The following TIMP3 variants were observed in gnomAD, a reference collection of about 807,000 sequenced individuals.
TIMP3 encodes the protein metalloproteinase inhibitor 3.
TIMP3 carries 11 observed loss-of-function variants against 30.0 expected under a neutral mutation model. The ratio of observed to expected loss-of-function variants is 0.37; its 90% CI spans 0.23 to 0.61. TIMP3 has a LOEUF of 0.61. Among genes scored for constraint, TIMP3 ranks in the 20% least tolerant of loss-of-function variants. The pLI is 0.70. For missense variants in TIMP3, 181 were observed against 276.8 expected (o/e 0.65, Z 2.45); for synonymous variants, 112 against 111.3 (o/e 1.01, Z -0.04).
At chr22:32,810,789 C>T (rs891195238) in intron 1 of TIMP3, among the ~76,000 whole-genome samples, 3 of 152,078 alleles carry the variant, frequency 2.0e-5, no homozygotes, top group African/African-American at 4.8e-5. Context: ...GACTTGGTTT[C>T]GTGACTTGAG....
intron 1 of TIMP3, among the ~76,000 whole-genome samples, chr22:32,813,757 G>C (rs1343315162): frequency 6.6e-6 from 1 of 151,888 alleles, no homozygotes. Context: ...TCAAACCTTG[G>C]CCTCGTTCAT....
chr22:32,854,501 G>T (rs2048309754), intron 2 of TIMP3, among the ~76,000 whole-genome samples: 1 of 152,178 alleles, frequency 6.6e-6, no homozygotes, highest in Non-Finnish European at 1.5e-5. Flanking sequence ...CCTAGAGCGA[G>T]TGCTTAGTTG....
intron 1 of TIMP3, among the ~76,000 whole-genome samples, chr22:32,839,908 G>C (rs2047844214): frequency 6.6e-6 from 1 of 151,884 alleles, no homozygotes; most frequent in South Asian, 2.1e-4. Context: ...ACGTCAGCAG[G>C]GGCCCTGAGT....
chr22:32,849,537 A>G lies in TIMP3; in HGVS notation c.204+3A>G, dbSNP rs112703278. On this transcript the variant is annotated splice_donor_region_variant and intron_variant, in intron 2 of 4. Transcript: ENST00000266085. ...TCTACACCATCAAGCAGATGAAGGTAGGTAATGTCATCACCCTGGCTCCGG... is the reference window on the plus strand; with the variant it reads ...TCTACACCATCAAGCAGATGAAGGTGGGTAATGTCATCACCCTGGCTCCGG... 2 of 1,612,706 alleles carry G rather than the reference A, an allele frequency of 1.2e-6. No individual in the cohort carries two copies. Among genetic ancestry groups the G allele is most frequent in the South Asian group, 1.1e-5 (1 of 90,718 alleles).
chr22:32,805,026 CGT>C (rs34429869), intron 1 of TIMP3, among the ~76,000 whole-genome samples: 127,650 of 151,784 alleles, frequency 0.84, 54,209 homozygotes, highest in African/African-American at 0.96. Context: ...TGCGTGTGTG[CGT>C]GTGTGTGTGT....
chr22:32,859,144 A>C, intron 4 of TIMP3, 36 bp from the exon 5 acceptor site: 1 of 1,611,816 alleles, frequency 6.2e-7, no homozygotes, highest in Non-Finnish European at 8.5e-7. Flanking sequence ...ATACCATGGC[A>C]GAGTCCATCA....
intron 1 of TIMP3, among the ~76,000 whole-genome samples, chr22:32,829,216 G>A (rs996001886): frequency 6.6e-6 from 1 of 152,186 alleles, no homozygotes; most frequent in African/African-American, 2.4e-5. Context: ...CATGAGGTGC[G>A]TTGAACATTA....
In TIMP3 at chr22:32,849,486, A is replaced by G. The variant is rs1181595715; in HGVS notation, c.156A>G (p.Val52=). The G allele has an allele frequency of 6.2e-7, 1 of 1,613,826 alleles. No individual in the cohort carries two copies. The highest frequency in any genetic ancestry group is 1.7e-5 in the Admixed American group (1 of 59,990). Residue 52 remains valine, a synonymous_variant, in exon 2 of 5, where the codon GTA becomes GTG. Coordinates refer to ENST00000266085, the MANE Select transcript of TIMP3 (RefSeq NM_000362.5). ...CCAAGGTGGTGGGGAAGAAGCTGGT[A>G]AAGGAGGGGCCCTTCGGCACGCTGG... ...IRAKVVGKKL[V]KEGPFGTLVY... is the part of the protein sequence containing the mutation.
Position 32,858,026 on chromosome 22 carries a change from A to G in TIMP3, c.326A>G (p.Tyr109Cys), listed in dbSNP as rs2048421133. The change falls in exon 4 of 5, where the codon TAT becomes TGT. Residue 109 changes from tyrosine (Y) to cysteine (C), a missense_variant. By Grantham distance (194) the Tyr-to-Cys change is radical. This residue lies in a region of TIMP3 where 63 missense variants were observed against 133.3 expected (regional missense o/e 0.47). Coordinates refer to ENST00000266085, the MANE Select transcript of TIMP3 (RefSeq NM_000362.5). ...TTCTTTCCTCCTGTAGGTCGCGTCT[A>G]TGATGGCAAGATGTACACGGGGCTG... ...KYQYLLTGRV[Y>C]DGKMYTGLCN... 1 of 1,614,174 alleles carries G rather than the reference A, an allele frequency of 6.2e-7. No individual in the cohort carries two copies. Among genetic ancestry groups the G allele is most frequent in the Non-Finnish European group, 8.5e-7 (1 of 1,180,034 alleles).
intron 1 of TIMP3, among the ~76,000 whole-genome samples, chr22:32,821,001 G>A (rs958729016): frequency 2.0e-5 from 3 of 152,076 alleles, no homozygotes; most frequent in Non-Finnish European, 4.4e-5. Context: ...AAACCCAGGT[G>A]GCTTCATGCT....
chr22:32,807,362 A>AT (rs1569239675), intron 1 of TIMP3, among the ~76,000 whole-genome samples: 1 of 4,978 alleles, frequency 2.0e-4, no homozygotes, highest in South Asian at 0.036. Flanking sequence ...TATAATATAT[A>AT]ATATATATTA....
chr22:32,847,199 C>T (rs755623402), intron 1 of TIMP3, among the ~76,000 whole-genome samples: 24 of 152,274 alleles, frequency 1.6e-4, no homozygotes, highest in East Asian at 3.9e-4. Flanking sequence ...TGCCTCTGCA[C>T]GGAGGTGAAG....
intron 1 of TIMP3, among the ~76,000 whole-genome samples, chr22:32,827,582 T>C (rs2047448975): frequency 7.1e-6 from 1 of 140,218 alleles, no homozygotes; most frequent in South Asian, 2.4e-4. Flanking sequence ...TGGTTATGAC[T>C]ATCATGAACT....
chr22:32,817,217 C>CAA (rs130285), intron 1 of TIMP3, among the ~76,000 whole-genome samples: 3 of 144,762 alleles, frequency 2.1e-5, no homozygotes, highest in African/African-American at 5.1e-5. Flanking sequence ...GACTCTATCT[C>CAA]AAAAAAAAAA....
At chr22:32,807,824 A>G (rs1218322484) in intron 1 of TIMP3, among the ~76,000 whole-genome samples, 1 of 152,062 alleles carries the variant, frequency 6.6e-6, no homozygotes, top group Non-Finnish European at 1.5e-5. Context: ...GTTCCTGCCA[A>G]TTTGGCCTCC....
At chr22:32,820,253 T>TGTGTGTGTGTGCGTGCGC (rs2047200646) in intron 1 of TIMP3, among the ~76,000 whole-genome samples, 1 of 150,164 alleles carries the variant, frequency 6.7e-6, no homozygotes, top group African/African-American at 2.4e-5. Context: ...TGTGTGTGTG[T>TGTGTGTGTGTGCGTGCGC]GTGTGTGTGC....
At chr22:32,852,482 A>C (rs991209984) in intron 2 of TIMP3, among the ~76,000 whole-genome samples, 2 of 152,206 alleles carry the variant, frequency 1.3e-5, no homozygotes, top group African/African-American at 4.8e-5. Context: ...GCAAGCCTGC[A>C]TGAGTTTTGG....
intron 1 of TIMP3, among the ~76,000 whole-genome samples, chr22:32,818,659 G>A (rs1335386746): frequency 6.6e-6 from 1 of 152,198 alleles, no homozygotes; most frequent in African/African-American, 2.4e-5. Flanking sequence ...CTCCCCTCCG[G>A]CGCTGGGCCT....
chr22:32,853,894 G>A (rs185415352), intron 2 of TIMP3, among the ~76,000 whole-genome samples: 4 of 152,284 alleles, frequency 2.6e-5, no homozygotes, highest in African/African-American at 7.2e-5. Flanking sequence ...TCCAAGTGGC[G>A]AACACAGGTG....
Sources: allele counts gnomAD v4.1 joint callset (sites outside exome capture counted in the v4.1 genomes callset), GRCh38; gene constraint gnomAD v4.1.1; regional missense constraint gnomAD v4.1.1; transcripts MANE v1.5; gene names NCBI Gene and HGNC (gene_info 2026-07-23, HGNC 2026-07-21).